The following LOXL2 variants were observed in gnomAD, a reference collection of about 807,000 sequenced individuals.
LOXL2 encodes lysyl oxidase homolog 2.
In LOXL2, 70 loss-of-function variants were observed where a neutral mutation model predicts 93.0. The ratio of observed to expected loss-of-function variants is 0.75; its 90% CI spans 0.62 to 0.92. The LOEUF (loss-of-function observed/expected upper bound fraction) is 0.92. LOXL2 is among the 40% of genes least tolerant of loss of function. The probability of loss-of-function intolerance (pLI) is 0.00; values close to 1 mark genes in which losing one functional copy is unlikely to be tolerated. For missense variants in LOXL2, 973 were observed against 1,054.9 expected, an observed-to-expected ratio of 0.92 and a Z score of 1.08; for synonymous variants, 438 against 413.2, an observed-to-expected ratio of 1.06 and a Z score of -0.73.
At chr8:23,394,103 G>T (rs753848791) in intron 1 of LOXL2, among the ~76,000 whole-genome samples, 1 of 152,090 alleles carries the variant, frequency 6.6e-6, no homozygotes, top group Admixed American at 6.6e-5. Context: ...AAAAAGACAA[G>T]AAACCCAGGC....
chr8:23,369,542 T>C lies in LOXL2; in HGVS notation c.-83-1108A>G, dbSNP rs541120192. Reference sequence around the variant, plus strand: ...GAGGAAGGACTGGCTAACTTTCCTGTAGTCAGAGCTGTCCAGAGCTGCCCA... The same window carrying C: ...GAGGAAGGACTGGCTAACTTTCCTGCAGTCAGAGCTGTCCAGAGCTGCCCA... On this transcript the variant is annotated intron_variant, in intron 1 of 13. Coordinates refer to ENST00000389131, the MANE Select transcript of LOXL2 (RefSeq NM_002318.3). Among the ~76,000 whole-genome samples, 9 of 152,280 alleles carry C rather than the reference T, an allele frequency of 5.9e-5. No individual in the cohort carries two copies. The South Asian group carries it at 1.9e-3, about 32-fold the overall frequency.
chr8:23,380,253 C>A (rs1205604957), intron 1 of LOXL2, among the ~76,000 whole-genome samples: 3 of 152,034 alleles, frequency 2.0e-5, no homozygotes, highest in Non-Finnish European at 4.4e-5. Flanking sequence ...ATTAGCTGGG[C>A]ATGGTGGCGT....
rs58347035 is a variant in LOXL2, at chr8:23,307,953, G to GGAAAAAAAAAAAAAAAAAAAAAAAAAAA, written c.1880+1714_1880+1715insTTTTTTTTTTTTTTTTTTTTTTTTTTTC. On this transcript the variant is annotated intron_variant, in intron 10 of 13. Coordinates refer to ENST00000389131, the MANE Select transcript of LOXL2 (RefSeq NM_002318.3). ...GTGACTAGGTCATCAGCTGCGATAT[G>GGAAAAAAAAAAAAAAAAAAAAAAAAAAA]AAAAAAAAAAAAAAAAAAAAGCCAA... Among the ~76,000 whole-genome samples the GGAAAAAAAAAAAAAAAAAAAAAAAAAAA allele has an allele frequency of 2.4e-5, 2 of 83,556 alleles. 1 individual carries two copies. Among genetic ancestry groups the GGAAAAAAAAAAAAAAAAAAAAAAAAAAA allele is most frequent in the African/African-American group, 9.5e-5 (2 of 21,114 alleles). 54.8% of individuals were successfully genotyped at this position (83,556 alleles called of 152,430 possible). A position where few individuals can be genotyped will look rare whatever the true frequency, so the allele number is the denominator to read the frequency against.
intron 1 of LOXL2, among the ~76,000 whole-genome samples, chr8:23,389,560 T>A (rs907791353): frequency 6.6e-6 from 1 of 152,160 alleles, no homozygotes; most frequent in African/African-American, 2.4e-5. Flanking sequence ...TGATTCCTAG[T>A]CAATAGCAAC....
chr8:23,372,794 A>G (rs1804519923), intron 1 of LOXL2, among the ~76,000 whole-genome samples: 1 of 152,192 alleles, frequency 6.6e-6, no homozygotes, highest in Non-Finnish European at 1.5e-5. Flanking sequence ...TCATAATCAG[A>G]GTGGGAGATT....
At chr8:23,315,511 C>T (rs1403835282) in intron 9 of LOXL2, among the ~76,000 whole-genome samples, 1 of 152,134 alleles carries the variant, frequency 6.6e-6, no homozygotes, top group Non-Finnish European at 1.5e-5. Context: ...TTGGATCTCC[C>T]ATGAGGATCT....
chr8:23,300,218 C>G (rs1028836630), intron 12 of LOXL2, among the ~76,000 whole-genome samples: 2 of 152,222 alleles, frequency 1.3e-5, no homozygotes, highest in African/African-American at 4.8e-5. Context: ...GCCAGTGTTA[C>G]GTGTGGGGTG....
chr8:23,359,290 G>C (rs995200062), intron 3 of LOXL2, among the ~76,000 whole-genome samples: 1 of 152,186 alleles, frequency 6.6e-6, no homozygotes. Context: ...GAGTTAGTCT[G>C]TGTGATCCAT....
chr8:23,355,913 A>G lies in LOXL2; in HGVS notation c.531+4177T>C, dbSNP rs991552156. Among the ~76,000 whole-genome samples the G allele has an allele frequency of 9.3e-5, 14 of 151,346 alleles. 1 individual carries two copies. The East Asian group carries it at 1.9e-3, about 21-fold the overall frequency. ...TGTGAGCCAACCCAACAGGCCTTTTAAAAAAAAAGATCAATAGTTTTTCAG... is the reference window on the plus strand; with the variant it reads ...TGTGAGCCAACCCAACAGGCCTTTTGAAAAAAAAGATCAATAGTTTTTCAG... On this transcript the variant is annotated intron_variant, in intron 3 of 13. Transcript: ENST00000389131.
intron 8 of LOXL2, 81 bp from the exon 9 acceptor site, chr8:23,317,195 C>T: frequency 7.0e-7 from 1 of 1,437,512 alleles, no homozygotes; most frequent in Non-Finnish European, 9.7e-7. Flanking sequence ...TGCAGCCTCA[C>T]AAAAATCCCA....
intron 3 of LOXL2, among the ~76,000 whole-genome samples, chr8:23,359,247 C>T (rs1001890613): frequency 2.6e-5 from 4 of 152,216 alleles, no homozygotes; most frequent in Non-Finnish European, 5.9e-5. Flanking sequence ...CCTGGTGTCA[C>T]ACATTTGTGT....
At chr8:23,393,136 A>G (rs1292621686) in intron 1 of LOXL2, among the ~76,000 whole-genome samples, 3 of 152,254 alleles carry the variant, frequency 2.0e-5, no homozygotes, top group Non-Finnish European at 2.9e-5. Flanking sequence ...ATACTCCTCA[A>G]ATTGATCTAC....
intron 8 of LOXL2, among the ~76,000 whole-genome samples, chr8:23,318,128 C>T (rs1803431956): frequency 6.6e-6 from 1 of 151,518 alleles, no homozygotes; most frequent in Non-Finnish European, 1.5e-5. Flanking sequence ...GATTACCCTC[C>T]ATAATATGGG....
chr8:23,311,172 G>C (rs1019072346), intron 9 of LOXL2, among the ~76,000 whole-genome samples: 1 of 152,126 alleles, frequency 6.6e-6, no homozygotes, highest in Admixed American at 6.5e-5. Context: ...CCCCCTCCAG[G>C]CTTACAGGCT....
chr8:23,310,250 G>C (rs560417455), intron 9 of LOXL2, among the ~76,000 whole-genome samples: 1 of 152,342 alleles, frequency 6.6e-6, no homozygotes, highest in East Asian at 1.9e-4. Context: ...GCACGTGGGG[G>C]TTGATTATAT....
chr8:23,360,309 CA>C, intron 2 of LOXL2, 44 bp from the exon 3 acceptor site: 1 of 1,483,518 alleles, frequency 6.7e-7, no homozygotes. Flanking sequence ...TGCGTCAATG[CA>C]GGTCTGAGTC....
intron 5 of LOXL2, among the ~76,000 whole-genome samples, chr8:23,332,599 CT>C (rs1216217788): frequency 8.1e-6 from 1 of 123,668 alleles, no homozygotes; most frequent in Non-Finnish European, 1.7e-5. Context: ...CCAGACACCC[CT>C]CACAATCATA....
At chr8:23,391,420 C>G (rs2117236186) in intron 1 of LOXL2, among the ~76,000 whole-genome samples, 1 of 152,260 alleles carries the variant, frequency 6.6e-6, no homozygotes, top group South Asian at 2.1e-4. Flanking sequence ...TAGTGACTGG[C>G]TCAGTCACCA....
rs1585359185 is a variant in LOXL2, at chr8:23,341,319, T to C, written c.532-116A>G. On this transcript the variant is annotated intron_variant, in intron 3 of 13. Transcript: ENST00000389131. ...GCCAGGCCTGCCGCGGGCCTGCCTG[T>C]GCCCTCAGGCCCTGCAGTGAGCTCT... 4.8e-6 allele frequency: 4 copies of C among 830,374 alleles called. No homozygotes were observed. The East Asian group carries it at 1.0e-4, about 22-fold the overall frequency. 51.4% of individuals were successfully genotyped at this position (830,374 alleles called of 1,614,324 possible).
Sources: allele counts gnomAD v4.1 joint callset (sites outside exome capture counted in the v4.1 genomes callset), GRCh38; gene constraint gnomAD v4.1.1; transcripts MANE v1.5; gene names NCBI Gene and HGNC (gene_info 2026-07-23, HGNC 2026-07-21).